The following DMD variants were observed in gnomAD, a reference collection of about 807,000 sequenced individuals.
The protein encoded by DMD is dystrophin.
In DMD, 63 loss-of-function variants were observed where a neutral mutation model predicts 330.1. The ratio of observed to expected loss-of-function variants is 0.19; its 90% CI spans 0.16 to 0.24. The LOEUF (loss-of-function observed/expected upper bound fraction) is 0.24. Ranked by LOEUF, DMD falls within the 10% of genes least tolerant of loss-of-function variation. The pLI is 1.00. For missense variants in DMD, 3,344 were observed against 2,684.1 expected (o/e 1.25, Z -5.43); for synonymous variants, 1,223 against 959.8 (o/e 1.27, Z -5.07).
chrX:31,859,377 T>A (rs1299203822), intron 48 of DMD, among the ~76,000 whole-genome samples: 2 of 112,142 alleles, frequency 1.8e-5, no homozygotes, highest in Non-Finnish European at 3.8e-5. Context: ...GTTATGAAGA[T>A]CACTGAGAAA....
At chrX:33,284,587 A>G (rs1303223441) in intron 1 of DMD, among the ~76,000 whole-genome samples, 1 of 106,568 alleles carries the variant, frequency 9.4e-6, no homozygotes, top group East Asian at 3.0e-4. Flanking sequence ...ATATTTACTG[A>G]CTATCAATGC....
chrX:33,269,478 T>C (rs985543089), intron 1 of DMD, among the ~76,000 whole-genome samples: 6 of 111,123 alleles, frequency 5.4e-5, no homozygotes, highest in African/African-American at 1.6e-4. Flanking sequence ...AAGCTACCTA[T>C]TGGGTACTAT....
intron 43 of DMD, among the ~76,000 whole-genome samples, chrX:32,274,202 T>C (rs753540480): frequency 5.4e-5 from 6 of 111,905 alleles, no homozygotes; most frequent in Admixed American, 1.9e-4. Context: ...TTTATTTAGA[T>C]AACAAGCAGG....
chrX:32,733,269 C>G (rs774502005), intron 7 of DMD, among the ~76,000 whole-genome samples: 54 of 110,686 alleles, frequency 4.9e-4, no homozygotes, highest in African/African-American at 1.8e-3. Flanking sequence ...AAAGCAAGTC[C>G]TGAGTGACCT....
At chrX:33,227,519 T>G (rs186177335) in intron 1 of DMD, among the ~76,000 whole-genome samples, 184 of 111,070 alleles carry the variant, frequency 1.7e-3, no homozygotes, top group Non-Finnish European at 1.6e-3. Flanking sequence ...TTCTTAGTTG[T>G]GCATATTTTT....
At chrX:31,357,718 G>T (rs981602050) in intron 60 of DMD, among the ~76,000 whole-genome samples, 1 of 111,269 alleles carries the variant, frequency 9.0e-6, no homozygotes, top group African/African-American at 3.3e-5. Context: ...AAGGAAGCTT[G>T]TCCGCCAGAA....
chrX:32,731,014 T>G (rs1385857346), intron 7 of DMD, among the ~76,000 whole-genome samples: 2 of 111,466 alleles, frequency 1.8e-5, no homozygotes, highest in Non-Finnish European at 3.8e-5. Flanking sequence ...TTCATCTCAC[T>G]AGGGAGTGCC....
At chrX:31,491,916 A>G (rs2069340919) in intron 57 of DMD, among the ~76,000 whole-genome samples, 1 of 112,610 alleles carries the variant, frequency 8.9e-6, no homozygotes, top group African/African-American at 3.2e-5. Flanking sequence ...CCTGATTTAT[A>G]GAAAATGAAA....
chrX:31,588,338 C>A (rs2148100315), intron 55 of DMD, among the ~76,000 whole-genome samples: 1 of 111,054 alleles, frequency 9.0e-6, no homozygotes, highest in Non-Finnish European at 1.9e-5. Context: ...AAGTCCGTAT[C>A]CCCAACTACC....
chrX:32,433,776 A>G (rs1294889254), intron 29 of DMD, among the ~76,000 whole-genome samples: 1 of 112,201 alleles, frequency 8.9e-6, no homozygotes, highest in Non-Finnish European at 1.9e-5. Context: ...AGGGTACCTG[A>G]GCCTCTGTAA....
intron 44 of DMD, among the ~76,000 whole-genome samples, chrX:32,201,472 C>A (rs6631513): frequency 5.7e-5 from 4 of 70,209 alleles, no homozygotes; most frequent in Non-Finnish European, 1.0e-4. Context: ...TTCAAACACC[C>A]CCCCCCCCCC....
rs2044427568 is a variant in DMD, at chrX:32,504,617, ACT to A, written c.2293-2777_2293-2776del. On this transcript the variant is annotated intron_variant, in intron 18 of 78. Coordinates refer to ENST00000357033, the MANE Select transcript of DMD (RefSeq NM_004006.3). Reference sequence around the variant, plus strand: ...ACTCCAGCCTGGGTGACAGAGTAAGACTCTGTCTCAAAAATAAATAAATAAAA... The same window carrying A: ...ACTCCAGCCTGGGTGACAGAGTAAGACTGTCTCAAAAATAAATAAATAAAA... 2.7e-5 allele frequency among the ~76,000 whole-genome samples: 3 copies of A among 111,185 alleles called. No homozygotes were observed. The South Asian group carries it at 1.1e-3, about 42-fold the overall frequency.
chrX:32,161,161 C>T, intron 44 of DMD, among the ~76,000 whole-genome samples: 1 of 111,763 alleles, frequency 8.9e-6, no homozygotes, highest in South Asian at 3.8e-4. Context: ...CGGGCTGCCT[C>T]TAATCTACCA....
rs989739950 is a variant in DMD at position 32,237,157 on chromosome X, T to G, written c.6291-20094A>C. Among the ~76,000 whole-genome samples, 62 of 111,424 alleles carry G rather than the reference T, an allele frequency of 5.6e-4. 1 individual carries two copies. Among genetic ancestry groups the G allele is most frequent in the African/African-American group, 1.9e-3 (57 of 30,630 alleles). On this transcript the variant is annotated intron_variant, in intron 43 of 78. Coordinates refer to ENST00000357033, the MANE Select transcript of DMD (RefSeq NM_004006.3). ...TTGCCCTACATGCCCCAAAATATTT[T>G]TATATATTTTAATGCTTTGCCTTTC...
At chrX:32,345,340 T>A (rs1258940845) in intron 39 of DMD, among the ~76,000 whole-genome samples, 1 of 111,664 alleles carries the variant, frequency 9.0e-6, no homozygotes, top group Non-Finnish European at 1.9e-5. Context: ...ACCTGGGGAC[T>A]TGAAGCCATA....
chrX:32,786,562 T>C (rs2075374920), intron 7 of DMD, among the ~76,000 whole-genome samples: 1 of 111,901 alleles, frequency 8.9e-6, no homozygotes, highest in South Asian at 3.7e-4. Flanking sequence ...AAGAATTCAG[T>C]ATCCCTCTTA....
At chrX:32,114,686 A>T (rs1481802935) in intron 44 of DMD, among the ~76,000 whole-genome samples, 1 of 112,105 alleles carries the variant, frequency 8.9e-6, no homozygotes, top group South Asian at 3.7e-4. Flanking sequence ...ATTCCTTCAC[A>T]GATTTTACTG....
At chrX:33,163,628 C>CTATCTATCTATGTATCTATA (rs779008582) in intron 1 of DMD, among the ~76,000 whole-genome samples, 1 of 100,082 alleles carries the variant, frequency 1.0e-5, no homozygotes, top group East Asian at 3.1e-4. Context: ...CTCTATCTAT[C>CTATCTATCTATGTATCTATA]TATCTATCTA....
At position 33,308,875 on chromosome X, in the gene DMD, C is replaced by T. The variant is rs186971217; in HGVS notation, c.7+30384G>A. Among the ~76,000 whole-genome samples, 262 of 111,381 alleles carry T rather than the reference C, an allele frequency of 2.4e-3. 1 individual carries two copies. Among genetic ancestry groups the T allele is most frequent in the African/African-American group, 8.1e-3 (249 of 30,667 alleles). On this transcript the variant is annotated intron_variant, in intron 1 of 17. Transcript: ENST00000288447. Reference sequence around the variant, plus strand: ...TGCTATTAGCAAGTAGGATGCCAGCCGCCACAGACCAGTATTAGCCTAATA... The same window carrying T: ...TGCTATTAGCAAGTAGGATGCCAGCTGCCACAGACCAGTATTAGCCTAATA...
Sources: allele counts gnomAD v4.1 joint callset (sites outside exome capture counted in the v4.1 genomes callset), GRCh38; gene constraint gnomAD v4.1.1; transcripts MANE v1.5; gene names NCBI Gene and HGNC (gene_info 2026-07-23, HGNC 2026-07-21).